Variants in GTF2A2 observed in about 807,000 individuals in gnomAD.
GTF2A2 encodes transcription initiation factor IIA subunit 2.
GTF2A2 carries 9 observed loss-of-function variants against 14.3 expected under a neutral mutation model. That is an observed-to-expected ratio of 0.63 (90% CI 0.38 to 1.10). GTF2A2 has a LOEUF of 1.10. Among genes scored for constraint, GTF2A2 ranks in the 50% least tolerant of loss-of-function variants. The probability of loss-of-function intolerance (pLI) is 0.01; values close to 1 mark genes in which losing one functional copy is unlikely to be tolerated. For missense variants in GTF2A2, 90 were observed against 124.6 expected (o/e 0.72, Z 1.32); for synonymous variants, 56 against 46.0 (o/e 1.22, Z -0.88).
chr15:59,651,712 G>A (rs1455905690), intron 2 of GTF2A2: 1 of 152,178 alleles, frequency 6.6e-6, no homozygotes, highest in East Asian at 1.9e-4. Context: ...TTAGAGGCAG[G>A]ATGTTGCTCT....
intron 1 of GTF2A2, among the ~76,000 whole-genome samples, chr15:59,654,759 C>CA (rs2141968670): frequency 6.6e-6 from 1 of 152,304 alleles, no homozygotes; most frequent in African/African-American, 2.4e-5. Flanking sequence ...CTTCCAGACT[C>CA]ACAGCCACAT....
At chr15:59,639,567 A>G (rs1364304837) in intron 4 of GTF2A2, among the ~76,000 whole-genome samples, 3 of 143,950 alleles carry the variant, frequency 2.1e-5, no homozygotes, top group African/African-American at 5.2e-5. Context: ...GGTTCACGCC[A>G]TTCTCCTGCC....
At chr15:59,656,676 T>C (rs1313507630) in intron 1 of GTF2A2, 1 of 152,070 alleles carries the variant, frequency 6.6e-6, no homozygotes, top group Non-Finnish European at 1.5e-5. Context: ...GGGCAAGAAG[T>C]CCCAATAGGT....
At chr15:59,652,073 A>G (rs1891810290) in intron 2 of GTF2A2, 133 bp downstream of exon 2, 4 of 599,336 alleles carry the variant, frequency 6.7e-6, no homozygotes, top group South Asian at 2.1e-5. Context: ...AGGTAATTTA[A>G]TCAGTGTTAC....
At chr15:59,642,301 T>C (rs748659438) in intron 3 of GTF2A2, 39 bp from the exon 4 acceptor site, 4 of 1,546,032 alleles carry the variant, frequency 2.6e-6, no homozygotes, top group Non-Finnish European at 2.6e-6. Context: ...TGAAACGTTT[T>C]TTCCCCTCAC....
At chr15:59,640,626 A>C (rs1249536276) in intron 4 of GTF2A2, among the ~76,000 whole-genome samples, 1 of 152,244 alleles carries the variant, frequency 6.6e-6, no homozygotes, top group Admixed American at 6.5e-5. Context: ...GCTAAAAAAA[A>C]GTTCTAAGCA....
intron 3 of GTF2A2, among the ~76,000 whole-genome samples, chr15:59,646,038 A>AAT: frequency 6.6e-6 from 1 of 151,154 alleles, no homozygotes; most frequent in East Asian, 1.9e-4. Context: ...CGCCTTAAAA[A>AAT]AAAAAAAAAA....
intron 2 of GTF2A2, 93 bp downstream of exon 2, chr15:59,652,113 T>C (rs894968468): frequency 1.3e-6 from 1 of 741,326 alleles, no homozygotes; most frequent in Non-Finnish European, 2.3e-6. Flanking sequence ...GTCCAAGATA[T>C]TTTACCTCAT....
Position 59,638,951 on chromosome 15 carries a change from C to G in GTF2A2, c.*181G>C, listed in dbSNP as rs1040890309. The G allele has an allele frequency of 1.1e-5, 6 of 527,488 alleles. No homozygotes were observed. Among genetic ancestry groups the G allele is most frequent in the Non-Finnish European group, 2.1e-5 (6 of 289,414 alleles). The allele number at this position is 527,488 out of a possible 1,614,324, so 32.7% of individuals were successfully genotyped here. On this transcript the variant is annotated 3_prime_UTR_variant, in exon 5 of 5. Coordinates refer to ENST00000396060, the MANE Select transcript of GTF2A2 (RefSeq NM_004492.3). ...TAAAAAAAAGTTATGGTTTTTCATG[C>G]TGTATAATAAAGGTGATGTAAGAGG...
At chr15:59,641,403 G>A (rs201358523) in intron 4 of GTF2A2, among the ~76,000 whole-genome samples, 2 of 151,990 alleles carry the variant, frequency 1.3e-5, no homozygotes, top group African/African-American at 2.4e-5. Flanking sequence ...AAACAAATCC[G>A]ACTCAAACAG....
At chr15:59,655,842 C>T (rs1158789005) in intron 1 of GTF2A2, among the ~76,000 whole-genome samples, 3 of 152,200 alleles carry the variant, frequency 2.0e-5, no homozygotes, top group African/African-American at 7.2e-5. Flanking sequence ...CCCTCTATCT[C>T]ACTCTCCATA....
In GTF2A2 at chr15:59,650,014, A is replaced by G. The variant is rs568699169; in HGVS notation, c.177+655T>C. Among the ~76,000 whole-genome samples, 7 of 152,298 alleles carry G rather than the reference A, an allele frequency of 4.6e-5. No homozygotes were observed. The South Asian group carries it at 1.4e-3, about 32-fold the overall frequency. ...ATAAATAATAAGCAAACATCATCAT[A>G]TATTATATGACTCCATCAATACCAT... On this transcript the variant is annotated intron_variant, in intron 3 of 4. Coordinates refer to ENST00000396060, the MANE Select transcript of GTF2A2 (RefSeq NM_004492.3).
chr15:59,643,970 C>G (rs1459461493), intron 3 of GTF2A2, among the ~76,000 whole-genome samples: 1 of 152,178 alleles, frequency 6.6e-6, no homozygotes, highest in Admixed American at 6.5e-5. Context: ...TCTTGACCAA[C>G]TGCAACCTCT....
At chr15:59,645,482 C>G (rs528725055) in intron 3 of GTF2A2, among the ~76,000 whole-genome samples, 11 of 152,216 alleles carry the variant, frequency 7.2e-5, no homozygotes, top group African/African-American at 2.6e-4. Context: ...AAACAATCAT[C>G]AATAGCACTA....
intron 3 of GTF2A2, among the ~76,000 whole-genome samples, chr15:59,645,514 C>A (rs1442454047): frequency 6.6e-6 from 1 of 152,074 alleles, no homozygotes; most frequent in Non-Finnish European, 1.5e-5. Flanking sequence ...TTAGATTTAG[C>A]AAAAGTAACT....
intron 2 of GTF2A2, chr15:59,651,856 T>A: frequency 5.7e-6 from 1 of 174,476 alleles, no homozygotes; most frequent in Admixed American, 5.6e-5. Context: ...AACTAATTTT[T>A]TTATTTTTTG....
chr15:59,641,306 G>A (rs373512818), intron 4 of GTF2A2, among the ~76,000 whole-genome samples: 1 of 151,494 alleles, frequency 6.6e-6, no homozygotes, highest in African/African-American at 2.4e-5. Context: ...TACAGAGAAC[G>A]TTTTTCTTCC....
rs1891240111 is a variant in GTF2A2, at chr15:59,638,118, G to C, written c.*1014C>G. 6.6e-6 allele frequency: 1 copy of C among 152,070 alleles called. No individual in the cohort carries two copies. Among genetic ancestry groups the C allele is most frequent in the Non-Finnish European group, 1.5e-5 (1 of 68,026 alleles). 9.4% of individuals were successfully genotyped at this position (152,070 alleles called of 1,614,324 possible). On this transcript the variant is annotated 3_prime_UTR_variant, in exon 5 of 5. Transcript: ENST00000396060. ...AGGGACAGTCTATATTGGCCAGGCT[G>C]GTCTCCAACTCCTGGACTCAAGTAA...
At chr15:59,654,348 C>CT (rs1370304204) in intron 1 of GTF2A2, among the ~76,000 whole-genome samples, 1 of 152,166 alleles carries the variant, frequency 6.6e-6, no homozygotes, top group African/African-American at 2.4e-5. Flanking sequence ...GGTGGCTCTT[C>CT]TTTTTGCTGA....
Sources: gnomAD v4.1 joint callset for allele counts (sites outside exome capture counted in the v4.1 genomes callset) on GRCh38, gnomAD v4.1.1 for gene constraint, MANE v1.5 for transcripts, NCBI Gene and HGNC (gene_info 2026-07-23, HGNC 2026-07-21) for gene names.